GNB1L: variants seen among roughly 807,000 people sequenced by gnomAD.
The protein encoded by GNB1L is G protein subunit beta 1 like, also known as guanine nucleotide-binding protein subunit beta-like protein 1.
In GNB1L, 20 loss-of-function variants were observed where a neutral mutation model predicts 29.1. The observed-to-expected ratio is 0.69, with a 90% CI of 0.48 to 1.00. The LOEUF is 1.00. Ranked by LOEUF, GNB1L falls within the 50% of genes least tolerant of loss-of-function variation. The pLI is 0.00. For missense variants in GNB1L, 421 were observed against 464.9 expected, an observed-to-expected ratio of 0.91 and a Z score of 0.87; for synonymous variants, 193 against 206.5, an observed-to-expected ratio of 0.93 and a Z score of 0.56.
rs141393585 is a variant in GNB1L, at chr22:19,801,546, T to C, written c.732+455A>G. Reference sequence around the variant, plus strand: ...AGCAACCGCCAGGTGGCCCTGAGGCTTCCCAGCCTTCCTGCTGGGCTTTCC... The same window carrying C: ...AGCAACCGCCAGGTGGCCCTGAGGCCTCCCAGCCTTCCTGCTGGGCTTTCC... On this transcript the variant is annotated intron_variant, in intron 7 of 7. Coordinates refer to ENST00000329517, the MANE Select transcript of GNB1L (RefSeq NM_053004.3). Among the ~76,000 whole-genome samples the C allele has an allele frequency of 2.7e-3, 414 of 152,208 alleles. 4 individuals carry two copies. Among genetic ancestry groups the C allele is most frequent in the African/African-American group, 8.8e-3 (364 of 41,532 alleles).
chr22:19,796,377 C>T (rs750794387), intron 7 of GNB1L, among the ~76,000 whole-genome samples: 12 of 152,208 alleles, frequency 7.9e-5, no homozygotes, highest in Non-Finnish European at 1.8e-4. Context: ...ACGGGCCTGG[C>T]GCCCACGTGT....
chr22:19,849,660 C>G, intron 2 of GNB1L: 4 of 984,666 alleles, frequency 4.1e-6, no homozygotes, highest in Non-Finnish European at 4.8e-6. Context: ...AGACACTGCT[C>G]CCGGCCAGTT....
chr22:19,851,101 T>TG (rs1243857165), intron 2 of GNB1L: 4 of 1,500,808 alleles, frequency 2.7e-6, no homozygotes, highest in Non-Finnish European at 3.6e-6. Flanking sequence ...CTGGGGACTA[T>TG]GGGGCGCTCA....
chr22:19,806,919 G>A (rs1440588103), intron 5 of GNB1L, among the ~76,000 whole-genome samples, 162 bp from the exon 6 acceptor site: 1 of 152,214 alleles, frequency 6.6e-6, no homozygotes, highest in Non-Finnish European at 1.5e-5. Context: ...GGCTGCATGG[G>A]CCCTTGCAAA....
chr22:19,846,512 C>G, intron 2 of GNB1L: 5 of 985,478 alleles, frequency 5.1e-6, no homozygotes, highest in Non-Finnish European at 6.0e-6. Context: ...CAGAAGCCTG[C>G]CCAATATAGC....
chr22:19,850,882 C>A (rs947347840), intron 2 of GNB1L: 3 of 1,327,382 alleles, frequency 2.3e-6, no homozygotes, highest in Non-Finnish European at 2.9e-6. Flanking sequence ...CAAAACGACC[C>A]CCTCGTGGGA....
At chr22:19,793,646 A>AT (rs1457484076) in intron 7 of GNB1L, among the ~76,000 whole-genome samples, 1 of 152,232 alleles carries the variant, frequency 6.6e-6, no homozygotes, top group Non-Finnish European at 1.5e-5. Flanking sequence ...AAAACCACAG[A>AT]TAAAAAAAAA....
chr22:19,807,420 C>A (rs1189728794), intron 5 of GNB1L, among the ~76,000 whole-genome samples: 1 of 152,154 alleles, frequency 6.6e-6, no homozygotes, highest in Non-Finnish European at 1.5e-5. Context: ...GAATCCAGGT[C>A]CGCCTGCACC....
Position 19,844,672 on chromosome 22 carries a change from T to A in GNB1L, c.-21+9771A>T, listed in dbSNP as rs1379178744. On this transcript the variant is annotated intron_variant, in intron 2 of 7. Transcript: ENST00000329517. The stretch of plus-strand genomic sequence containing the variant: ...AGGCATCTCACGCTGTGGCTGGGGA[T>A]GTCCGTCGCCCCAGGAGCGGGTCCC... 3.3e-5 allele frequency among the ~76,000 whole-genome samples: 5 copies of A among 152,238 alleles called. No homozygotes were observed. The East Asian group carries it at 5.8e-4, about 18-fold the overall frequency.
At chr22:19,844,542 A>T (rs374513107) in intron 2 of GNB1L, among the ~76,000 whole-genome samples, 1 of 152,204 alleles carries the variant, frequency 6.6e-6, no homozygotes, top group African/African-American at 2.4e-5. Flanking sequence ...TCTCCTTTGC[A>T]CTGGGACACG....
chr22:19,812,152 C>A, intron 5 of GNB1L, 133 bp downstream of exon 5: 1 of 930,986 alleles, frequency 1.1e-6, no homozygotes, highest in African/African-American at 1.7e-5. Flanking sequence ...GCATCAGCCC[C>A]GGCTGCTGAA....
At chr22:19,804,562 T>G (rs1018766196) in intron 6 of GNB1L, among the ~76,000 whole-genome samples, 4 of 151,980 alleles carry the variant, frequency 2.6e-5, no homozygotes, top group Non-Finnish European at 5.9e-5. Context: ...ATTAAAAAAT[T>G]TTTTAAATAA....
chr22:19,845,350 CT>C (rs1311523056), intron 2 of GNB1L, among the ~76,000 whole-genome samples: 6 of 152,348 alleles, frequency 3.9e-5, no homozygotes, highest in African/African-American at 7.2e-5. Context: ...AGGGCCCCCC[CT>C]ATGCACAGCC....
At chr22:19,849,946 T>C in intron 2 of GNB1L, 2 of 985,524 alleles carry the variant, frequency 2.0e-6, no homozygotes, top group Non-Finnish European at 2.4e-6. Context: ...CCTCCTTGTG[T>C]GGAACAGGTC....
At chr22:19,806,792 G>A (rs763137919) in intron 5 of GNB1L, 35 bp from the exon 6 acceptor site, 83 of 1,417,200 alleles carry the variant, frequency 5.9e-5, no homozygotes, top group Non-Finnish European at 4.5e-5. Context: ...TTGGGCCGTC[G>A]CCAAGTCGAG....
chr22:19,841,979 C>T (rs1019787574), intron 2 of GNB1L, among the ~76,000 whole-genome samples: 6 of 152,196 alleles, frequency 3.9e-5, no homozygotes, highest in African/African-American at 1.4e-4. Flanking sequence ...GAAGCCAAGG[C>T]CATGAGGCCT....
At chr22:19,839,438 G>A (rs536558608) in intron 2 of GNB1L, among the ~76,000 whole-genome samples, 16 of 152,138 alleles carry the variant, frequency 1.1e-4, no homozygotes, top group African/African-American at 3.6e-4. Context: ...ATATACCTAC[G>A]GGAAAGTTTA....
intron 7 of GNB1L, among the ~76,000 whole-genome samples, chr22:19,791,084 T>C (rs540260953): frequency 6.6e-6 from 1 of 152,228 alleles, no homozygotes; most frequent in South Asian, 2.1e-4. Context: ...AATTTTTTAA[T>C]TAGCCATGCA....
intron 6 of GNB1L, among the ~76,000 whole-genome samples, chr22:19,802,794 A>C (rs1937390000): frequency 6.6e-6 from 1 of 152,210 alleles, no homozygotes; most frequent in South Asian, 2.1e-4. Flanking sequence ...CTGCCCCTGA[A>C]GCCTGGCGTG....
Sources: gnomAD v4.1 joint callset for allele counts (sites outside exome capture counted in the v4.1 genomes callset) on GRCh38, gnomAD v4.1.1 for gene constraint, MANE v1.5 for transcripts, NCBI Gene and HGNC (gene_info 2026-07-23, HGNC 2026-07-21) for gene names.